Variants in DSCC1 observed in about 807,000 individuals in gnomAD.
DSCC1 encodes the protein sister chromatid cohesion protein DCC1.
In DSCC1, 32 loss-of-function variants were observed where a neutral mutation model predicts 48.2. The observed-to-expected ratio is 0.66, with a 90% CI of 0.50 to 0.89. The LOEUF (loss-of-function observed/expected upper bound fraction) is 0.89, where lower values mean the gene tolerates loss of function less well. Ranked by LOEUF, DSCC1 falls within the 40% of genes least tolerant of loss-of-function variation. DSCC1 has a pLI of 0.00. For missense variants in DSCC1, 421 were observed against 471.7 expected (o/e 0.89, Z 1.00); for synonymous variants, 150 against 171.5 (o/e 0.87, Z 0.98).
chr8:119,838,201 T>C, intron 8 of DSCC1, 58 bp downstream of exon 8: 2 of 1,473,316 alleles, frequency 1.4e-6, no homozygotes, highest in Non-Finnish European at 1.8e-6. Flanking sequence ...TCTAAAATGC[T>C]GTGCCATTGA....
intron 8 of DSCC1, among the ~76,000 whole-genome samples, chr8:119,836,142 G>C (rs1020688607): frequency 6.6e-6 from 1 of 152,286 alleles, no homozygotes; most frequent in Non-Finnish European, 1.5e-5. Context: ...GTGAAACCCT[G>C]TCTCTACTAA....
chr8:119,854,802 G>A (rs1292052514), intron 1 of DSCC1, among the ~76,000 whole-genome samples: 1 of 152,112 alleles, frequency 6.6e-6, no homozygotes, highest in Non-Finnish European at 1.5e-5. Context: ...GGTACTTTGA[G>A]GTATATAGCA....
intron 3 of DSCC1, among the ~76,000 whole-genome samples, chr8:119,848,312 A>C (rs1826891555): frequency 1.3e-5 from 2 of 152,250 alleles, no homozygotes; most frequent in Admixed American, 6.5e-5. Context: ...AATTGAAAAA[A>C]GCAAGAAAGT....
At chr8:119,839,432 T>C (rs377251555) in intron 7 of DSCC1, 7 of 152,210 alleles carry the variant, frequency 4.6e-5, no homozygotes, top group African/African-American at 1.7e-4. Flanking sequence ...GTCTATATAA[T>C]AGGTGTTAAG....
At chr8:119,849,184 C>CAAAA (rs550853227) in intron 3 of DSCC1, among the ~76,000 whole-genome samples, 7,919 of 29,122 alleles carry the variant, frequency 0.27, 1,624 homozygotes, top group East Asian at 0.48. Context: ...GACTCCCTCT[C>CAAAA]AAAAAAAAAA....
At chr8:119,843,085 T>C (rs535461022) in intron 5 of DSCC1, among the ~76,000 whole-genome samples, 88 of 152,038 alleles carry the variant, frequency 5.8e-4, no homozygotes, top group African/African-American at 2.1e-3. Context: ...AGCTCAAACA[T>C]ATTATTTCCT....
Position 119,855,771 on chromosome 8 carries a change from C to A in DSCC1, c.25G>T (p.Asp9Tyr). 1 of 1,554,948 alleles carries A rather than the reference C, an allele frequency of 6.4e-7. No individual in the cohort carries two copies. The highest frequency in any genetic ancestry group is 8.7e-7 in the Non-Finnish European group (1 of 1,150,814). Residue 9 changes from aspartate (D) to tyrosine (Y), a missense_variant, in exon 1 of 9, where the codon GAT (aspartate) becomes TAT (tyrosine). Physicochemically the swap from Asp to Tyr is radical, Grantham distance 160. Transcript: ENST00000313655. ...AGCTTGGCGATCTGCAGCGTCGCAT[C>A]CACCTCGTCGCGGGTCCTCTTCATC... is the stretch of plus-strand genomic sequence containing the variant. MKRTRDEVDATLQIAKLNA... is the reference protein window; with the variant it reads MKRTRDEVYATLQIAKLNA...
intron 4 of DSCC1, among the ~76,000 whole-genome samples, chr8:119,846,160 C>T (rs183054700): frequency 4.3e-5 from 6 of 140,528 alleles, no homozygotes; most frequent in African/African-American, 1.6e-4. Context: ...TTCGCCCAGG[C>T]TGGAGGGCAG....
At chr8:119,840,486 T>G (rs1485318560) in intron 7 of DSCC1, 2 of 152,226 alleles carry the variant, frequency 1.3e-5, no homozygotes, top group Non-Finnish European at 2.9e-5. Context: ...GTTGAAAACC[T>G]GAAAGAGGGT....
At chr8:119,852,106 T>C (rs1388798901) in intron 2 of DSCC1, among the ~76,000 whole-genome samples, 1 of 152,190 alleles carries the variant, frequency 6.6e-6, no homozygotes, top group African/African-American at 2.4e-5. Context: ...CCTTCTTTCC[T>C]CTCCAATTCT....
intron 1 of DSCC1, 53 bp from the exon 2 acceptor site, chr8:119,853,268 T>C: frequency 6.5e-7 from 1 of 1,544,278 alleles, no homozygotes; most frequent in Non-Finnish European, 8.8e-7. Context: ...CAGTAGCCAT[T>C]TTCATCATAA....
chr8:119,846,440 T>C (rs543928494), intron 4 of DSCC1, among the ~76,000 whole-genome samples: 2 of 152,272 alleles, frequency 1.3e-5, no homozygotes, highest in South Asian at 4.1e-4. Context: ...ACATGGTTCT[T>C]CCTTTACCAC....
At chr8:119,841,996 A>G in intron 6 of DSCC1, 48 bp from the exon 7 acceptor site, 1 of 1,567,890 alleles carries the variant, frequency 6.4e-7, no homozygotes, top group East Asian at 2.4e-5. Flanking sequence ...TTACAATTAA[A>G]TATTATACTA....
rs1437816890 is a variant in DSCC1, at chr8:119,847,063, C to T, written c.504G>A (p.Leu168=). 1 of 1,613,168 alleles carries T rather than the reference C, an allele frequency of 6.2e-7. No individual in the cohort carries two copies. Among genetic ancestry groups the T allele is most frequent in the Non-Finnish European group, 8.5e-7 (1 of 1,179,956 alleles). The change falls in exon 4 of 9, where the codon TTG becomes TTA. Residue 168 remains leucine, a synonymous_variant. Transcript: ENST00000313655. ...SNSSKYTTED[L]LDQIQASEEE... ...CCTCACTTGCCTGAATTTGATCAAGCAAATCTTCAGTTGTATACTGCAAAA... is the reference window on the plus strand; with the variant it reads ...CCTCACTTGCCTGAATTTGATCAAGTAAATCTTCAGTTGTATACTGCAAAA...
At chr8:119,850,335 G>A (rs1274211207) in intron 3 of DSCC1, 47 bp downstream of exon 3, 1 of 1,520,154 alleles carries the variant, frequency 6.6e-7, no homozygotes, top group Non-Finnish European at 8.8e-7. Flanking sequence ...AAGTGCCTCT[G>A]ATTATAGTTG....
In DSCC1 at chr8:119,850,369, A is replaced by C; in HGVS notation, c.486+13T>G. 6.4e-7 allele frequency: 1 copy of C among 1,551,548 alleles called. No homozygotes were observed. The highest frequency in any genetic ancestry group is 1.2e-5 in the South Asian group (1 of 80,216). ...TGTTAAATTCCAAATAAAAAAGTGAAAATAAGTCTTACTTTTGAGCTATTT... is the reference window on the plus strand; with the variant it reads ...TGTTAAATTCCAAATAAAAAAGTGACAATAAGTCTTACTTTTGAGCTATTT... On this transcript the variant is annotated intron_variant, in intron 3 of 8. Coordinates refer to ENST00000313655, the MANE Select transcript of DSCC1 (RefSeq NM_024094.3).
chr8:119,842,858 G>A, intron 5 of DSCC1, 30 bp from the exon 6 acceptor site: 1 of 1,575,964 alleles, frequency 6.3e-7, no homozygotes, highest in Non-Finnish European at 8.6e-7. Flanking sequence ...CACTTGAAAA[G>A]TTATAAGCAT....
chr8:119,854,254 AGAAG>A (rs1343946591), intron 1 of DSCC1, among the ~76,000 whole-genome samples: 5 of 152,312 alleles, frequency 3.3e-5, no homozygotes, highest in Admixed American at 2.0e-4. Context: ...TAAAGAAAAA[AGAAG>A]GAAGAGGAAA....
At chr8:119,850,942 G>T (rs1475873796) in intron 2 of DSCC1, among the ~76,000 whole-genome samples, 2 of 152,190 alleles carry the variant, frequency 1.3e-5, no homozygotes, top group Non-Finnish European at 2.9e-5. Context: ...AAAGGGAAGA[G>T]GGGGTGTGTT....
Sources: allele counts gnomAD v4.1 joint callset (sites outside exome capture counted in the v4.1 genomes callset), GRCh38; gene constraint gnomAD v4.1.1; transcripts MANE v1.5; gene names NCBI Gene and HGNC (gene_info 2026-07-23, HGNC 2026-07-21).